DAB1: variants seen among roughly 807,000 people sequenced by gnomAD.
The protein encoded by DAB1 is DAB adaptor protein 1.
DAB1 carries 15 observed loss-of-function variants against 64.6 expected under a neutral mutation model. The ratio of observed to expected loss-of-function variants is 0.23; its 90% CI spans 0.16 to 0.36. The LOEUF is 0.36. DAB1 is among the 10% of genes least tolerant of loss of function. The pLI is 1.00. For missense variants in DAB1, 596 were observed against 706.7 expected (o/e 0.84, Z 1.78); for synonymous variants, 235 against 251.9 (o/e 0.93, Z 0.64).
Position 57,247,804 on chromosome 1 carries a change from T to C in DAB1, c.67+43160A>G, listed in dbSNP as rs61765630. Among the ~76,000 whole-genome samples, 1,146 of 152,306 alleles carry C rather than the reference T, an allele frequency of 7.5e-3. 31 individuals are homozygous for C. The East Asian group carries it at 0.08, about 11-fold the overall frequency. ...GACCACTTATATGGATGCTCTTTTA[T>C]GCCCATTCTCCCTGCTAGTTGGCTG... On this transcript the variant is annotated intron_variant, in intron 2 of 14. Coordinates refer to ENST00000371236, the MANE Select transcript of DAB1 (RefSeq NM_001365792.1).
chr1:57,687,608 A>G (rs557252812), intron 6 of DAB1, among the ~76,000 whole-genome samples: 1 of 148,648 alleles, frequency 6.7e-6, no homozygotes, highest in East Asian at 1.9e-4. Context: ...ACAAAAAAAA[A>G]AAAAAAAAAA....
intron 3 of DAB1, among the ~76,000 whole-genome samples, chr1:58,349,189 G>A (rs1447812151): frequency 2.6e-5 from 4 of 152,176 alleles, no homozygotes; most frequent in Non-Finnish European, 5.9e-5. Context: ...CTCCTGGGTT[G>A]CTCCACAGCC....
At chr1:57,235,810 A>G (rs966031470) in intron 2 of DAB1, among the ~76,000 whole-genome samples, 1 of 152,182 alleles carries the variant, frequency 6.6e-6, no homozygotes, top group African/African-American at 2.4e-5. Flanking sequence ...TCTCCTTAAC[A>G]TTAAACTTGA....
rs146663282 is a variant in DAB1, at chr1:57,551,261, T to C, written n.625+98331A>G. Among the ~76,000 whole-genome samples, 5 of 152,292 alleles carry C rather than the reference T, an allele frequency of 3.3e-5. No individual in the cohort carries two copies. The East Asian group carries it at 9.7e-4, about 29-fold the overall frequency. ...TCCACCACTCAGTACATAAGGATTG[T>C]AGGGAACATCCCATTCTTATCCCAT... On this transcript the variant is annotated intron_variant and non_coding_transcript_variant, in intron 7 of 20. Transcript: ENST00000485760.
intron 3 of DAB1, among the ~76,000 whole-genome samples, chr1:58,494,840 A>C (rs577552953): frequency 1.3e-3 from 201 of 152,230 alleles, no homozygotes; most frequent in African/African-American, 3.5e-3. Flanking sequence ...ACTAGTTCAA[A>C]CATTGTGGAA....
intron 2 of DAB1, among the ~76,000 whole-genome samples, chr1:57,252,494 C>T (rs780887316): frequency 6.6e-6 from 1 of 152,118 alleles, no homozygotes; most frequent in Non-Finnish European, 1.5e-5. Context: ...TCCTTTAACA[C>T]AGATTAAATG....
chr1:57,582,469 G>T (rs1645325216), intron 7 of DAB1, among the ~76,000 whole-genome samples: 1 of 152,166 alleles, frequency 6.6e-6, no homozygotes, highest in Non-Finnish European at 1.5e-5. Context: ...GATGAGATTT[G>T]GGTGGGGACA....
At chr1:57,782,087 A>G (rs965345116) in intron 6 of DAB1, among the ~76,000 whole-genome samples, 4 of 152,214 alleles carry the variant, frequency 2.6e-5, no homozygotes, top group African/African-American at 7.2e-5. Flanking sequence ...AATTTAGTTC[A>G]TATCTCCTAT....
At chr1:57,362,536 G>A (rs537057415) in intron 1 of DAB1, among the ~76,000 whole-genome samples, 7 of 152,260 alleles carry the variant, frequency 4.6e-5, no homozygotes, top group African/African-American at 1.7e-4. Context: ...GTATTAGGGA[G>A]GTGGGGTCTT....
chr1:58,040,087 A>T (rs1399768778), intron 5 of DAB1, among the ~76,000 whole-genome samples: 1 of 152,182 alleles, frequency 6.6e-6, no homozygotes, highest in Admixed American at 6.5e-5. Context: ...AAATTAATTG[A>T]TAGGGCACGA....
intron 2 of DAB1, among the ~76,000 whole-genome samples, chr1:57,179,753 G>A (rs975644613): frequency 1.3e-5 from 2 of 152,128 alleles, no homozygotes; most frequent in East Asian, 1.9e-4. Context: ...AAACACGTTT[G>A]TGCACCTGAG....
At chr1:57,251,134 G>A (rs1040971028) in intron 2 of DAB1, among the ~76,000 whole-genome samples, 6 of 152,180 alleles carry the variant, frequency 3.9e-5, no homozygotes, top group East Asian at 3.8e-4. Flanking sequence ...TTGTCCAAAC[G>A]TCATTCTGGG....
intron 4 of DAB1, among the ~76,000 whole-genome samples, chr1:58,294,520 TA>T: frequency 6.6e-6 from 1 of 152,140 alleles, no homozygotes; most frequent in South Asian, 2.1e-4. Context: ...TGCACAGTCT[TA>T]AGGATATACA....
intron 1 of DAB1, among the ~76,000 whole-genome samples, chr1:57,406,604 A>G (rs982690103): frequency 6.6e-6 from 1 of 152,094 alleles, no homozygotes; most frequent in African/African-American, 2.4e-5. Context: ...CCTCCTCATC[A>G]CCATCATCTT....
chr1:58,437,434 T>C (rs182209761), intron 3 of DAB1, among the ~76,000 whole-genome samples: 8 of 152,290 alleles, frequency 5.3e-5, no homozygotes, highest in Non-Finnish European at 8.8e-5. Context: ...AGCCTCACCA[T>C]CTGGTACTGC....
chr1:58,260,650 G>A (rs1373867030), intron 4 of DAB1, among the ~76,000 whole-genome samples: 1 of 152,194 alleles, frequency 6.6e-6, no homozygotes, highest in Non-Finnish European at 1.5e-5. Flanking sequence ...CCTCAAAAGT[G>A]CTTTTTTAAA....
chr1:57,817,023 T>C (rs1212542810), intron 6 of DAB1, among the ~76,000 whole-genome samples: 1 of 152,178 alleles, frequency 6.6e-6, no homozygotes, highest in Non-Finnish European at 1.5e-5. Context: ...GACTCAATCT[T>C]CATAGGCTTA....
At chr1:58,398,483 C>T (rs1644541984) in intron 3 of DAB1, among the ~76,000 whole-genome samples, 1 of 152,246 alleles carries the variant, frequency 6.6e-6, no homozygotes, top group Non-Finnish European at 1.5e-5. Context: ...TAGACTTAAT[C>T]CCAGGACCCT....
intron 1 of DAB1, among the ~76,000 whole-genome samples, chr1:57,392,713 TG>T (rs371425025): frequency 6.6e-6 from 1 of 152,360 alleles, no homozygotes; most frequent in Non-Finnish European, 1.5e-5. Flanking sequence ...TTCCATTATG[TG>T]GAAGAGCATT....
Sources: allele counts gnomAD v4.1 joint callset (sites outside exome capture counted in the v4.1 genomes callset), GRCh38; gene constraint gnomAD v4.1.1; transcripts MANE v1.5; gene names NCBI Gene and HGNC (gene_info 2026-07-23, HGNC 2026-07-21).